STAT1: variants seen among roughly 807,000 people sequenced by gnomAD.
The protein encoded by STAT1 is signal transducer and activator of transcription 1, also known as signal transducer and activator of transcription 1-alpha/beta.
In STAT1, 24 loss-of-function variants were observed where a neutral mutation model predicts 111.7. The observed-to-expected ratio is 0.21, with a 90% CI of 0.16 to 0.30. The LOEUF is 0.30. Ranked by LOEUF, STAT1 falls within the 10% of genes least tolerant of loss-of-function variation. STAT1 has a pLI of 1.00. For missense variants in STAT1, 351 were observed against 911.9 expected, an observed-to-expected ratio of 0.38 and a Z score of 7.92; for synonymous variants, 332 against 326.5, an observed-to-expected ratio of 1.02 and a Z score of -0.18.
At position 190,993,260 on chromosome 2, in the gene STAT1, T is replaced by A; in HGVS notation, c.944+1801A>T. 1.6e-6 allele frequency: 1 copy of A among 606,126 alleles called. No homozygotes were observed. The highest frequency in any genetic ancestry group is 3.1e-6 in the Non-Finnish European group (1 of 322,792). 37.5% of individuals were successfully genotyped at this position (606,126 alleles called of 1,614,324 possible). On this transcript the variant is annotated intron_variant, in intron 10 of 24. Transcript: ENST00000361099. This position sits in a 1 kb window ranked among gnomAD's most constrained non-coding sequence, Gnocchi z 4.1. Reference sequence around the variant, plus strand: ...ATGATCTATTTTCTGCAGTCACTGTTTAATATTATTGAAGGACTCCTGATC... The same window carrying A: ...ATGATCTATTTTCTGCAGTCACTGTATAATATTATTGAAGGACTCCTGATC...
Position 191,007,873 on chromosome 2 carries a change from C to G in STAT1, c.274-212G>C. ...TAACTTTCTAAGTGCAGGTACCTAA[C>G]GTACTTTTTGATTTAAAAACAAGTA... On this transcript the variant is annotated intron_variant, in intron 4 of 24. Coordinates refer to ENST00000361099, the MANE Select transcript of STAT1 (RefSeq NM_007315.4). The surrounding 1 kb of genome is among the most constrained non-coding windows in gnomAD (Gnocchi z 4.2). The G allele has an allele frequency of 1.7e-6, 1 of 588,754 alleles. No individual in the cohort carries two copies. Among genetic ancestry groups the G allele is most frequent in the Non-Finnish European group, 3.0e-6 (1 of 330,322 alleles). The allele number at this position is 588,754 out of a possible 1,614,324, so 36.5% of individuals were successfully genotyped here.
At chr2:191,009,420 T>C (rs1455510471) in intron 3 of STAT1, among the ~76,000 whole-genome samples, 2 of 122,294 alleles carry the variant, frequency 1.6e-5, no homozygotes, top group Admixed American at 8.0e-5. Context: ...AGGACGTTTT[T>C]AAATTAGCAA....
intron 2 of STAT1, among the ~76,000 whole-genome samples, chr2:191,011,128 C>G (rs1440617311): frequency 1.3e-5 from 2 of 152,192 alleles, no homozygotes; most frequent in East Asian, 1.9e-4. Context: ...CACAAATGTC[C>G]TTCCAAAGGA....
Position 190,976,562 on chromosome 2 carries a change from AC to A in STAT1, c.2059+277del, listed in dbSNP as rs1691918898. Among the ~76,000 whole-genome samples the A allele has an allele frequency of 6.6e-6, 1 of 152,140 alleles. No individual in the cohort carries two copies. The highest frequency in any genetic ancestry group is 1.5e-5 in the Non-Finnish European group (1 of 68,026). On this transcript the variant is annotated intron_variant, in intron 22 of 24. Transcript: ENST00000361099. The surrounding 1 kb of genome is among the most constrained non-coding windows in gnomAD (Gnocchi z 6.0). Reference sequence around the variant, plus strand: ...TGGTTTACCACAGTTCCTTATTTAAACCCTTTTCATGTGGAAACAGTGATAG... The same window carrying A: ...TGGTTTACCACAGTTCCTTATTTAAACCTTTTCATGTGGAAACAGTGATAG...
At position 191,012,476 on chromosome 2, in the gene STAT1, TACTC is replaced by T. The variant is rs1695216788; in HGVS notation, c.-2+1045_-2+1048del. Among the ~76,000 whole-genome samples, 1 of 152,094 alleles carries T rather than the reference TACTC, an allele frequency of 6.6e-6. No individual in the cohort carries two copies. The highest frequency in any genetic ancestry group is 2.4e-5 in the African/African-American group (1 of 41,484). ...TCACAAATCTGGAGTCAGTCTCATC[TACTC>T]ACAAAACCTGTTACCAACTCAGGGA... is the stretch of plus-strand genomic sequence containing the variant. On this transcript the variant is annotated intron_variant, in intron 2 of 24. Coordinates refer to ENST00000361099, the MANE Select transcript of STAT1 (RefSeq NM_007315.4). The surrounding 1 kb of genome is among the most constrained non-coding windows in gnomAD (Gnocchi z 4.0).
chr2:191,013,010 G>T (rs976291799), intron 2 of STAT1, among the ~76,000 whole-genome samples: 1 of 152,180 alleles, frequency 6.6e-6, no homozygotes, highest in Non-Finnish European at 1.5e-5. Context: ...CAGAGTCCCC[G>T]GCGGGGGAAG....
rs542265394 is a variant in STAT1, at chr2:190,981,337, T to C, written c.1583-668A>G. 2.0e-5 allele frequency among the ~76,000 whole-genome samples: 3 copies of C among 152,328 alleles called. No homozygotes were observed. The highest frequency in any genetic ancestry group is 4.1e-4 in the South Asian group (2 of 4,826). On this transcript the variant is annotated intron_variant, in intron 18 of 24. Transcript: ENST00000361099. This position sits in a 1 kb window ranked among gnomAD's most constrained non-coding sequence, Gnocchi z 4.1. Reference sequence around the variant, plus strand: ...ACATTATTTATGCATTTCCCTCAGCTTTCCTCCAAATAGGACATGGGCTCA... The same window carrying C: ...ACATTATTTATGCATTTCCCTCAGCCTTCCTCCAAATAGGACATGGGCTCA...
chr2:190,985,522 A>C (rs1356997176), intron 15 of STAT1, 97 bp downstream of exon 15: 2 of 1,274,554 alleles, frequency 1.6e-6, no homozygotes, highest in African/African-American at 2.9e-5. Flanking sequence ...GATGGGTCTG[A>C]ACTCCTCTGT....
At chr2:190,988,840 T>C (rs981788003) in intron 12 of STAT1, among the ~76,000 whole-genome samples, 1 of 127,084 alleles carries the variant, frequency 7.9e-6, no homozygotes, top group South Asian at 2.5e-4. Flanking sequence ...TGAATGATCA[T>C]AAATCATTTT....
chr2:190,976,872 G>GC lies in STAT1; in HGVS notation c.2026dup (p.Ala676GlyfsTer19), dbSNP rs761007483. Reference sequence around the variant, plus strand: ...TGGCCTGGAGTAATACTTTCCAAAGGCATGGTCTTTGTCAATATTTGGATA... The same window carrying GC: ...TGGCCTGGAGTAATACTTTCCAAAGGCCATGGTCTTTGTCAATATTTGGATA... On this transcript the variant is annotated frameshift_variant, in exon 22 of 25. Coordinates refer to ENST00000361099, the MANE Select transcript of STAT1 (RefSeq NM_007315.4). LOFTEE classifies it high-confidence loss of function. This position sits in a 1 kb window ranked among gnomAD's most constrained non-coding sequence, Gnocchi z 6.0. 1 of 1,614,098 alleles carries GC rather than the reference G, an allele frequency of 6.2e-7. No homozygotes were observed.
rs978043206 is a variant in STAT1, at chr2:191,012,788, C to T, written c.-2+737G>A. Among the ~76,000 whole-genome samples, 5 of 152,252 alleles carry T rather than the reference C, an allele frequency of 3.3e-5. No individual in the cohort carries two copies. The highest frequency in any genetic ancestry group is 4.4e-5 in the Non-Finnish European group (3 of 68,050). On this transcript the variant is annotated intron_variant, in intron 2 of 24. Coordinates refer to ENST00000361099, the MANE Select transcript of STAT1 (RefSeq NM_007315.4). The surrounding 1 kb of genome is among the most constrained non-coding windows in gnomAD (Gnocchi z 4.0). ...AACTGTGCCCAACATTTCTGCTTTG[C>T]TCCAGCTACTCGCCCTTGGAAACAG... is the stretch of plus-strand genomic sequence containing the variant.
At chr2:191,005,500 T>C (rs572524569) in intron 5 of STAT1, among the ~76,000 whole-genome samples, 1 of 152,328 alleles carries the variant, frequency 6.6e-6, no homozygotes, top group East Asian at 1.9e-4. Flanking sequence ...CAAATAACAT[T>C]GTGTTACAAT....
In STAT1 at chr2:190,981,476, C is replaced by T. The variant is rs568526905; in HGVS notation, c.1583-807G>A. ...CGAGAAGAGGCGGTAAGCCCATTAT[C>T]GGTCTTCAAAGAGAACTACAAATGA... On this transcript the variant is annotated intron_variant, in intron 18 of 24. Transcript: ENST00000361099. This position sits in a 1 kb window ranked among gnomAD's most constrained non-coding sequence, Gnocchi z 4.1. 1.3e-5 allele frequency among the ~76,000 whole-genome samples: 2 copies of T among 152,216 alleles called. No homozygotes were observed.
rs1033405501 is a variant in STAT1, at chr2:190,974,645, C to A, written c.2238+185G>T. 4.6e-5 allele frequency among the ~76,000 whole-genome samples: 7 copies of A among 152,236 alleles called. No homozygotes were observed. In the East Asian group the frequency reaches 5.8e-4, roughly 13 times the overall value. ...CTGAATGCGAGGAATAAAAATCCCA[C>A]TGATGATGTAGGTGGTTTAAATCCA... On this transcript the variant is annotated intron_variant, in intron 24 of 24. Coordinates refer to ENST00000361099, the MANE Select transcript of STAT1 (RefSeq NM_007315.4). This position sits in a 1 kb window ranked among gnomAD's most constrained non-coding sequence, Gnocchi z 4.8.
intron 2 of STAT1, chr2:191,010,387 T>C (rs963769760): frequency 4.2e-6 from 2 of 471,294 alleles, no homozygotes; most frequent in Non-Finnish European, 8.8e-6. Context: ...ATTTTCATTA[T>C]TGTCTGTTTT....
intron 10 of STAT1, chr2:190,992,880 C>T (rs573158698): frequency 1.3e-4 from 35 of 279,912 alleles, no homozygotes; most frequent in Non-Finnish European, 2.2e-4. Flanking sequence ...ACCTCCGCCA[C>T]CTGGGTTCGA....
chr2:190,994,485 A>T (rs1342953144), intron 10 of STAT1, among the ~76,000 whole-genome samples: 1 of 151,884 alleles, frequency 6.6e-6, no homozygotes, highest in South Asian at 2.1e-4. Context: ...GGAGAGGAGG[A>T]GGTGAGGCAT....
In STAT1 at chr2:190,999,757, T is replaced by A; in HGVS notation, c.463-53A>T. 1 of 1,309,090 alleles carries A rather than the reference T, an allele frequency of 7.6e-7. No individual in the cohort carries two copies. Among genetic ancestry groups the A allele is most frequent in the Non-Finnish European group, 1.1e-6 (1 of 906,122 alleles). The allele number at this position is 1,309,090 out of a possible 1,614,324, so 81.1% of individuals were successfully genotyped here. On this transcript the variant is annotated intron_variant, in intron 6 of 24. Coordinates refer to ENST00000361099, the MANE Select transcript of STAT1 (RefSeq NM_007315.4). This position sits in a 1 kb window ranked among gnomAD's most constrained non-coding sequence, Gnocchi z 4.1. ...CTACTGATCAGCAACTTCCAAAGAC[T>A]TTAGGCAACAGAGTATTGCTTCTAT...
chr2:190,985,592 C>G, intron 15 of STAT1, 27 bp downstream of exon 15: 1 of 1,614,010 alleles, frequency 6.2e-7, no homozygotes, highest in South Asian at 1.1e-5. Flanking sequence ...TGATTTGGGC[C>G]CATTCACAAC....
Sources: allele counts gnomAD v4.1 joint callset (sites outside exome capture counted in the v4.1 genomes callset), GRCh38; gene constraint gnomAD v4.1.1; non-coding constraint Gnocchi (gnomAD v3.1); transcripts MANE v1.5; gene names NCBI Gene and HGNC (gene_info 2026-07-23, HGNC 2026-07-21).